Variants in LDB2 observed in about 807,000 individuals in gnomAD.
LDB2 encodes the protein LIM domain-binding protein 2.
Under a neutral mutation model 44.3 loss-of-function variants are expected in LDB2, and 12 were observed. That is an observed-to-expected ratio of 0.27 (90% CI 0.17 to 0.44). The LOEUF (loss-of-function observed/expected upper bound fraction) is 0.44. Among genes scored for constraint, LDB2 ranks in the 20% least tolerant of loss-of-function variants. The pLI, the probability that LDB2 is intolerant of heterozygous loss-of-function variation, is 1.00. For synonymous variants in LDB2, 164 were observed against 174.8 expected, an observed-to-expected ratio of 0.94 and a Z score of 0.49; for missense variants, 344 against 473.5, an observed-to-expected ratio of 0.73 and a Z score of 2.54.
intron 1 of LDB2, among the ~76,000 whole-genome samples, chr4:16,873,924 T>C (rs1047089958): frequency 1.3e-5 from 2 of 152,236 alleles, no homozygotes; most frequent in Non-Finnish European, 2.9e-5. Flanking sequence ...TGGTGTTTTG[T>C]GAAAGGCTTC....
At chr4:16,645,260 G>A (rs187207660) in intron 2 of LDB2, among the ~76,000 whole-genome samples, 2 of 152,140 alleles carry the variant, frequency 1.3e-5, no homozygotes, top group Non-Finnish European at 2.9e-5. Flanking sequence ...TTGGTGGCCG[G>A]GCGCGGTGGC....
chr4:16,557,648 A>C (rs1577683431), intron 5 of LDB2, among the ~76,000 whole-genome samples: 1 of 152,208 alleles, frequency 6.6e-6, no homozygotes, highest in East Asian at 1.9e-4. Flanking sequence ...GCACAGACAA[A>C]CAAAAAGACA....
At position 16,595,873 on chromosome 4, in the gene LDB2, T is replaced by G; in HGVS notation, c.238A>C (p.Ile80Leu). 6.2e-7 allele frequency: 1 copy of G among 1,612,994 alleles called. No homozygotes were observed. Among genetic ancestry groups the G allele is most frequent in the Non-Finnish European group, 8.5e-7 (1 of 1,179,432 alleles). Reference protein sequence around the residue: ...CLEDGPKRYTIGRTLIPRYFS... With the variant: ...CLEDGPKRYTLGRTLIPRYFS... ...TAACGGGGGATGAGGGTCCTGCCGA[T>G]AGCTGGGAGAGAAACACAGAGAAAC... is the stretch of plus-strand genomic sequence containing the variant. Residue 80 changes from isoleucine to leucine, a missense_variant and splice_region_variant, in exon 3 of 8, where the codon ATC (isoleucine) becomes CTC (leucine). Coordinates refer to ENST00000304523, the MANE Select transcript of LDB2 (RefSeq NM_001290.5).
At chr4:16,885,656 C>T (rs983325508) in intron 1 of LDB2, among the ~76,000 whole-genome samples, 1 of 152,180 alleles carries the variant, frequency 6.6e-6, no homozygotes, top group Non-Finnish European at 1.5e-5. Flanking sequence ...ATTCAAGCTT[C>T]CTCTTCCCAG....
intron 1 of LDB2, among the ~76,000 whole-genome samples, chr4:16,785,559 A>G (rs1015857036): frequency 1.3e-5 from 2 of 152,226 alleles, no homozygotes; most frequent in Non-Finnish European, 2.9e-5. Context: ...CAGCAGCCGC[A>G]TCGGGTGAAA....
intron 2 of LDB2, among the ~76,000 whole-genome samples, chr4:16,634,912 C>G (rs7441259): frequency 0.86 from 130,993 of 152,180 alleles, 56,413 homozygotes; most frequent in Admixed American, 0.91. Context: ...CAATGATAGA[C>G]TGGATTAAGA....
intron 2 of LDB2, among the ~76,000 whole-genome samples, chr4:16,725,905 T>C (rs1759338996): frequency 6.7e-6 from 1 of 148,292 alleles, no homozygotes; most frequent in South Asian, 2.1e-4. Flanking sequence ...ATATATATTA[T>C]GTATATATAT....
chr4:16,787,218 T>C (rs1774633971), intron 1 of LDB2, among the ~76,000 whole-genome samples: 1 of 152,186 alleles, frequency 6.6e-6, no homozygotes, highest in South Asian at 2.1e-4. Flanking sequence ...TCAAAGATTA[T>C]GCTACCAGTT....
Position 16,616,822 on chromosome 4 carries a change from C to G in LDB2, c.236-20947G>C, listed in dbSNP as rs189166730. ...CATGTCAATATAAATGTATTATGTACCTAGGCAGGTCAGGGTAATCTAGAT... is the reference window on the plus strand; with the variant it reads ...CATGTCAATATAAATGTATTATGTAGCTAGGCAGGTCAGGGTAATCTAGAT... On this transcript the variant is annotated intron_variant, in intron 2 of 7. Coordinates refer to ENST00000304523, the MANE Select transcript of LDB2 (RefSeq NM_001290.5). Among the ~76,000 whole-genome samples the G allele has an allele frequency of 1.3e-3, 201 of 152,202 alleles. 1 individual carries two copies. The highest frequency in any genetic ancestry group is 4.7e-3 in the African/African-American group (197 of 41,532).
chr4:16,558,360 C>G (rs936561764), intron 5 of LDB2, among the ~76,000 whole-genome samples: 1 of 151,978 alleles, frequency 6.6e-6, no homozygotes, highest in Non-Finnish European at 1.5e-5. Flanking sequence ...CACAGAAGTG[C>G]CTAAAGGAGC....
chr4:16,536,837 A>G (rs149642185), intron 5 of LDB2, among the ~76,000 whole-genome samples: 133 of 152,296 alleles, frequency 8.7e-4, no homozygotes, highest in South Asian at 5.2e-3. Flanking sequence ...CCATTTCTCT[A>G]TTTTTGACTG....
At chr4:16,733,848 A>T (rs1761281683) in intron 2 of LDB2, among the ~76,000 whole-genome samples, 1 of 152,198 alleles carries the variant, frequency 6.6e-6, no homozygotes, top group Admixed American at 6.5e-5. Flanking sequence ...CCTAATTACC[A>T]TGTTTACTTT....
chr4:16,812,851 C>T (rs1281306561), intron 1 of LDB2, among the ~76,000 whole-genome samples: 7 of 151,842 alleles, frequency 4.6e-5, no homozygotes, highest in Admixed American at 1.3e-4. Flanking sequence ...TTCCAAGAAA[C>T]GCTAAATATT....
chr4:16,821,631 TG>T, intron 1 of LDB2, among the ~76,000 whole-genome samples: 1 of 149,316 alleles, frequency 6.7e-6, no homozygotes, highest in South Asian at 2.2e-4. Context: ...TCTCGTGATC[TG>T]CCCACCTCGG....
intron 2 of LDB2, among the ~76,000 whole-genome samples, chr4:16,658,663 C>G (rs1740603725): frequency 6.6e-6 from 1 of 152,126 alleles, no homozygotes; most frequent in African/African-American, 2.4e-5. Context: ...AATATGCAGG[C>G]CACATTTGGC....
chr4:16,871,626 T>TC (rs61457867), intron 1 of LDB2, among the ~76,000 whole-genome samples: 1 of 147,098 alleles, frequency 6.8e-6, no homozygotes, highest in Non-Finnish European at 1.5e-5. Context: ...TCTTTCTTTT[T>TC]TTTTTTTTTT....
At chr4:16,549,166 T>C (rs1736794610) in intron 5 of LDB2, among the ~76,000 whole-genome samples, 1 of 152,212 alleles carries the variant, frequency 6.6e-6, no homozygotes, top group African/African-American at 2.4e-5. Flanking sequence ...CTTGCAACCT[T>C]AGTGCTGTTT....
rs1561055560 is a variant in LDB2, at chr4:16,739,660, ATGTATATATACATATGTGTG to A, written c.235+19478_235+19497del. On this transcript the variant is annotated intron_variant, in intron 2 of 7. Transcript: ENST00000304523. The stretch of plus-strand genomic sequence containing the variant: ...TGTATATATACATATGTGTGTATAT[ATGTATATATACATATGTGTG>A]TATATATGTATATATACATATATGT... Among the ~76,000 whole-genome samples, 432 of 81,108 alleles carry A rather than the reference ATGTATATATACATATGTGTG, an allele frequency of 5.3e-3. 64 individuals are homozygous for A. Among genetic ancestry groups the A allele is most frequent in the African/African-American group, 0.019 (415 of 22,344 alleles). The allele number at this position is 81,108 out of a possible 152,430, so 53.2% of individuals were successfully genotyped here.
At chr4:16,628,859 C>A (rs1168479215) in intron 2 of LDB2, among the ~76,000 whole-genome samples, 1 of 152,154 alleles carries the variant, frequency 6.6e-6, no homozygotes, top group Admixed American at 6.5e-5. Flanking sequence ...CCAAGGGAAG[C>A]CGTGAGTGAC....
Sources: gnomAD v4.1 joint callset for allele counts (sites outside exome capture counted in the v4.1 genomes callset) on GRCh38, gnomAD v4.1.1 for gene constraint, MANE v1.5 for transcripts, NCBI Gene and HGNC (gene_info 2026-07-23, HGNC 2026-07-21) for gene names.